Variants in REC114 observed in about 807,000 individuals in gnomAD.
REC114 encodes REC114 meiotic recombination protein.
REC114 carries 27 observed loss-of-function variants against 31.3 expected under a neutral mutation model. The observed-to-expected ratio is 0.86, with a 90% CI of 0.64 to 1.19. REC114 has a LOEUF of 1.19. Among genes scored for constraint, REC114 ranks in the 50% most tolerant of loss-of-function variants. The pLI, the probability that REC114 is intolerant of heterozygous loss-of-function variation, is 0.00. For missense variants in REC114, 344 were observed against 326.9 expected, an observed-to-expected ratio of 1.05 and a Z score of -0.40; for synonymous variants, 134 against 127.7, an observed-to-expected ratio of 1.05 and a Z score of -0.33.
chr15:73,557,424 A>G (rs945348562), intron 5 of REC114, among the ~76,000 whole-genome samples: 1 of 151,486 alleles, frequency 6.6e-6, no homozygotes, highest in Non-Finnish European at 1.5e-5. Context: ...TAAAAAAAAA[A>G]AAAAAAAAAG....
intron 2 of REC114, among the ~76,000 whole-genome samples, chr15:73,528,189 C>T (rs1480497980): frequency 1.3e-5 from 2 of 152,030 alleles, no homozygotes; most frequent in Non-Finnish European, 2.9e-5. Context: ...CCTAGTATAA[C>T]AAAATAGTTG....
intron 2 of REC114, among the ~76,000 whole-genome samples, chr15:73,523,353 G>A (rs192309389): frequency 2.0e-5 from 3 of 152,148 alleles, no homozygotes; most frequent in Non-Finnish European, 1.5e-5. Flanking sequence ...ACAGAAATTG[G>A]AAGTGAGGTA....
intron 2 of REC114, among the ~76,000 whole-genome samples, chr15:73,482,391 G>A (rs1893307208): frequency 6.6e-6 from 1 of 152,108 alleles, no homozygotes; most frequent in African/African-American, 2.4e-5. Context: ...CTTGCCATGC[G>A]ACATGCCTCT....
intron 2 of REC114, among the ~76,000 whole-genome samples, chr15:73,474,897 C>G (rs1283011760): frequency 6.6e-6 from 1 of 152,132 alleles, no homozygotes; most frequent in Non-Finnish European, 1.5e-5. Flanking sequence ...TCTCATTGAA[C>G]GTGAGATGAC....
At chr15:73,530,404 A>G (rs1894061392) in intron 2 of REC114, among the ~76,000 whole-genome samples, 2 of 152,188 alleles carry the variant, frequency 1.3e-5, no homozygotes, top group Admixed American at 1.3e-4. Flanking sequence ...GCTTATGCCT[A>G]TAATCCCATC....
intron 2 of REC114, among the ~76,000 whole-genome samples, chr15:73,518,008 A>G (rs1169173694): frequency 6.6e-6 from 1 of 152,250 alleles, no homozygotes; most frequent in Admixed American, 6.5e-5. Flanking sequence ...AGCAGTGGTT[A>G]ACTATGTTGA....
At position 73,515,062 on chromosome 15, in the gene REC114, A is replaced by G. The variant is rs1192673083; in HGVS notation, c.250-25423A>G. Among the ~76,000 whole-genome samples, 4 of 151,232 alleles carry G rather than the reference A, an allele frequency of 2.6e-5. No homozygotes were observed. In the East Asian group the frequency reaches 5.9e-4, roughly 22 times the overall value. ...TCAAGTGATCCTCCTGCCTCACCTTACAGAGTAGCTGAGACTATAGGCATG... is the reference window on the plus strand; with the variant it reads ...TCAAGTGATCCTCCTGCCTCACCTTGCAGAGTAGCTGAGACTATAGGCATG... On this transcript the variant is annotated intron_variant, in intron 2 of 5. Coordinates refer to ENST00000331090, the MANE Select transcript of REC114 (RefSeq NM_001042367.2).
rs559019528 is a variant in REC114, at chr15:73,516,260, A to G, written c.250-24225A>G. 4.6e-5 allele frequency among the ~76,000 whole-genome samples: 7 copies of G among 152,312 alleles called. No homozygotes were observed. In the East Asian group the frequency reaches 1.4e-3, roughly 29 times the overall value. ...CTCGGCCTCCCAAAGTGCTGGAATT[A>G]TAAGTGTGAGCCACCTTGCCTGGCC... On this transcript the variant is annotated intron_variant, in intron 2 of 5. Transcript: ENST00000331090.
chr15:73,520,558 G>A (rs1253517620), intron 2 of REC114, among the ~76,000 whole-genome samples: 1 of 152,046 alleles, frequency 6.6e-6, no homozygotes, highest in East Asian at 1.9e-4. Context: ...ATTGGTGCAC[G>A]TATCCAAAGG....
chr15:73,544,197 T>C (rs1479112820), intron 3 of REC114, among the ~76,000 whole-genome samples: 1 of 152,184 alleles, frequency 6.6e-6, no homozygotes, highest in African/African-American at 2.4e-5. Flanking sequence ...CATATCATTT[T>C]ATCAAATGCT....
intron 3 of REC114, among the ~76,000 whole-genome samples, chr15:73,545,261 G>A (rs1033289833): frequency 6.6e-6 from 1 of 152,150 alleles, no homozygotes; most frequent in Non-Finnish European, 1.5e-5. Context: ...ATCTTCTTAG[G>A]TGATAGAAAC....
At chr15:73,530,421 G>A (rs1318770260) in intron 2 of REC114, among the ~76,000 whole-genome samples, 2 of 152,016 alleles carry the variant, frequency 1.3e-5, no homozygotes, top group African/African-American at 4.8e-5. Flanking sequence ...CATCACTTTG[G>A]GAGGCCCAGG....
At chr15:73,460,594 G>T (rs1892976992) in intron 1 of REC114, among the ~76,000 whole-genome samples, 1 of 152,190 alleles carries the variant, frequency 6.6e-6, no homozygotes, top group South Asian at 2.1e-4. Flanking sequence ...GAATAGAAGA[G>T]CATGCCTATG....
At chr15:73,540,459 C>T (rs1359905960) in intron 2 of REC114, 26 bp from the exon 3 acceptor site, 1 of 1,566,422 alleles carries the variant, frequency 6.4e-7, no homozygotes, top group Non-Finnish European at 8.8e-7. Flanking sequence ...GTTTCTGTTG[C>T]TAATTTTTGC....
chr15:73,448,208 G>A (rs992052703), intron 1 of REC114, among the ~76,000 whole-genome samples: 1 of 152,160 alleles, frequency 6.6e-6, no homozygotes, highest in Non-Finnish European at 1.5e-5. Context: ...TGGCTCAGCG[G>A]GTCCCACCCC....
At chr15:73,503,378 AACTTAT>A (rs1448778864) in intron 2 of REC114, among the ~76,000 whole-genome samples, 1 of 152,200 alleles carries the variant, frequency 6.6e-6, no homozygotes, top group African/African-American at 2.4e-5. Context: ...ATTGAGGTAT[AACTTAT>A]ACTTCAATAA....
chr15:73,518,726 A>G (rs1893896420), intron 2 of REC114, among the ~76,000 whole-genome samples: 1 of 152,214 alleles, frequency 6.6e-6, no homozygotes, highest in African/African-American at 2.4e-5. Context: ...AACAACAGAC[A>G]GCTATTTTAG....
chr15:73,516,315 G>T (rs936458472), intron 2 of REC114, among the ~76,000 whole-genome samples: 2 of 151,994 alleles, frequency 1.3e-5, no homozygotes, highest in Middle Eastern at 3.2e-3. Context: ...TAAAATTAAG[G>T]TTCTGATTGT....
intron 2 of REC114, among the ~76,000 whole-genome samples, chr15:73,491,347 C>A (rs1013457687): frequency 7.6e-6 from 1 of 131,566 alleles, no homozygotes; most frequent in African/African-American, 2.8e-5. Context: ...ATCTTAATTT[C>A]TTTGTGTACT....
Sources: gnomAD v4.1 joint callset for allele counts (sites outside exome capture counted in the v4.1 genomes callset) on GRCh38, gnomAD v4.1.1 for gene constraint, MANE v1.5 for transcripts, NCBI Gene and HGNC (gene_info 2026-07-23, HGNC 2026-07-21) for gene names.